The following ARHGAP29 variants were observed in gnomAD, a reference collection of about 807,000 sequenced individuals.
ARHGAP29 encodes rho GTPase-activating protein 29.
In ARHGAP29, 43 loss-of-function variants were observed where a neutral mutation model predicts 122.6. The ratio of observed to expected loss-of-function variants is 0.35; its 90% confidence interval spans 0.27 to 0.45. ARHGAP29 has a LOEUF of 0.45. Among genes scored for constraint, ARHGAP29 ranks in the 20% least tolerant of loss-of-function variants. The probability of loss-of-function intolerance (pLI) is 1.00; values close to 1 mark genes in which losing one functional copy is unlikely to be tolerated. For synonymous variants in ARHGAP29, 506 were observed against 497.1 expected (o/e 1.02, Z -0.24); for missense variants, 1,303 against 1,477.2 (o/e 0.88, Z 1.93).
chr1:94,255,619 T>G (rs1436403808), intron 1 of ARHGAP29, among the ~76,000 whole-genome samples: 1 of 152,208 alleles, frequency 6.6e-6, no homozygotes, highest in African/African-American at 2.4e-5. Flanking sequence ...AGTCACACAA[T>G]GAGTCAATAT....
intron 1 of ARHGAP29, among the ~76,000 whole-genome samples, chr1:94,247,233 T>C (rs1418749839): frequency 6.6e-6 from 1 of 152,034 alleles, no homozygotes; most frequent in Non-Finnish European, 1.5e-5. Flanking sequence ...AAGGAGCCCC[T>C]GAATTCCGCA....
At chr1:94,260,617 T>C (rs1287443123) in intron 1 of ARHGAP29, among the ~76,000 whole-genome samples, 3 of 152,132 alleles carry the variant, frequency 2.0e-5, no homozygotes, top group Non-Finnish European at 4.4e-5. Flanking sequence ...AATAGAATGC[T>C]TTGTAGGGGT....
chr1:94,268,906 A>AT, intron 1 of ARHGAP29, among the ~76,000 whole-genome samples: 1 of 152,208 alleles, frequency 6.6e-6, no homozygotes, highest in Middle Eastern at 3.4e-3. Context: ...AGTAGTGACT[A>AT]TTTTTGTATG....
intron 12 of ARHGAP29, among the ~76,000 whole-genome samples, chr1:94,200,546 T>C (rs995960869): frequency 6.6e-6 from 1 of 152,200 alleles, no homozygotes; most frequent in Admixed American, 6.5e-5. Flanking sequence ...ACTCCTGGTA[T>C]TGACTTGAGA....
At chr1:94,227,212 G>A (rs535238122) in intron 2 of ARHGAP29, among the ~76,000 whole-genome samples, 2 of 151,674 alleles carry the variant, frequency 1.3e-5, no homozygotes, top group Admixed American at 6.6e-5. Flanking sequence ...TACTACTTCC[G>A]ACTATAGTCC....
At chr1:94,220,126 T>C (rs1570561913) in intron 3 of ARHGAP29, 132 bp downstream of exon 3, 1 of 1,028,330 alleles carries the variant, frequency 9.7e-7, no homozygotes, top group East Asian at 2.5e-5. Flanking sequence ...TATCAAAGTA[T>C]ATATAACTCC....
the ARHGAP29 span, among the ~76,000 whole-genome samples, chr1:94,285,873 CA>C: frequency 0.32 from 22,704 of 72,024 alleles, 991 homozygotes; most frequent in East Asian, 0.46. Context: ...GACTCTGTCT[CA>C]AAAAAAAAAA....
intron 1 of ARHGAP29, 145 bp from the exon 2 acceptor site, chr1:94,231,788 C>A: frequency 4.8e-6 from 3 of 619,464 alleles, no homozygotes; most frequent in Non-Finnish European, 8.2e-6. Context: ...TTTTAAAAAT[C>A]AAAAATCAAT....
the ARHGAP29 span, among the ~76,000 whole-genome samples, chr1:94,297,418 T>C: frequency 2.6e-5 from 4 of 152,212 alleles, no homozygotes; most frequent in African/African-American, 9.6e-5. Context: ...CTAACACTTC[T>C]TGAGCACTTA....
upstream of ARHGAP29, among the ~76,000 whole-genome samples, chr1:94,275,781 G>A (rs752044868): frequency 6.6e-6 from 1 of 152,080 alleles, no homozygotes; most frequent in African/African-American, 2.4e-5. Context: ...AAGAAGAAAA[G>A]ATATGTTGGA....
chr1:94,290,291 T>C, the ARHGAP29 span, among the ~76,000 whole-genome samples: 2 of 152,230 alleles, frequency 1.3e-5, no homozygotes, highest in Non-Finnish European at 2.9e-5. Context: ...CATTTTTTAT[T>C]GCGTCTATTT....
At chr1:94,228,738 A>T (rs1652764055) in intron 2 of ARHGAP29, among the ~76,000 whole-genome samples, 1 of 151,780 alleles carries the variant, frequency 6.6e-6, no homozygotes, top group African/African-American at 2.4e-5. Flanking sequence ...ATTTCTAACT[A>T]CTTGGGGAAA....
the ARHGAP29 span, among the ~76,000 whole-genome samples, chr1:94,313,243 AG>A: frequency 6.6e-6 from 1 of 152,004 alleles, no homozygotes; most frequent in Non-Finnish European, 1.5e-5. Context: ...TCTTCCCCCT[AG>A]TTATCCATCC....
In ARHGAP29 at chr1:94,177,869, A is replaced by G. The variant is rs1649202874; in HGVS notation, c.2779T>C (p.Phe927Leu). ...RDIERSMKSL[F>L]FSSKEDIHTS... ...AAACTCACTTCCTTTGAAGAAAAAA[A>G]TAGTGACTTCATGGAACGTTCAATG... Residue 927 changes from phenylalanine to leucine, a missense_variant, in exon 21 of 23, where the codon TTT becomes CTT. Phe to Leu is a conservative substitution (Grantham distance 22). Around this residue, in one of 3 missense-constraint regions of ARHGAP29, gnomAD observed 620 missense variants for 651.2 expected, o/e 0.95. Transcript: ENST00000260526. The G allele has an allele frequency of 6.2e-7, 1 of 1,608,396 alleles. No homozygotes were observed. The highest frequency in any genetic ancestry group is 1.3e-5 in the African/African-American group (1 of 74,550).
At chr1:94,305,636 A>G in the ARHGAP29 span, among the ~76,000 whole-genome samples, 1 of 152,230 alleles carries the variant, frequency 6.6e-6, no homozygotes, top group Non-Finnish European at 1.5e-5. Context: ...TTGAATCAAG[A>G]ACTCGGCAGT....
Position 94,186,606 on chromosome 1 carries a change from A to C in ARHGAP29, c.1682-9T>G. The C allele has an allele frequency of 6.3e-7, 1 of 1,599,522 alleles. No individual in the cohort carries two copies. Among genetic ancestry groups the C allele is most frequent in the Non-Finnish European group, 8.6e-7 (1 of 1,167,248 alleles). On this transcript the variant is annotated splice_polypyrimidine_tract_variant and intron_variant, in intron 15 of 22. Transcript: ENST00000260526. ...TTTTCGATGAAAGTCTCCTAGAAGAAAATTGTGGATACAATTACCTGACCA... is the reference window on the plus strand; with the variant it reads ...TTTTCGATGAAAGTCTCCTAGAAGACAATTGTGGATACAATTACCTGACCA...
At chr1:94,274,773 A>G (rs1655120832) in intron 1 of ARHGAP29, among the ~76,000 whole-genome samples, 1 of 152,226 alleles carries the variant, frequency 6.6e-6, no homozygotes, top group Admixed American at 6.5e-5. Context: ...TCCACTCTCC[A>G]GGAGCAAAGG....
At chr1:94,241,604 CA>C (rs1483895474), upstream of ARHGAP29, among the ~76,000 whole-genome samples, 2 of 147,994 alleles carry the variant, frequency 1.4e-5, no homozygotes, top group African/African-American at 5.0e-5. Context: ...GCAACAAGAG[CA>C]AAACTCCGTC....
At position 94,171,865 on chromosome 1, in the gene ARHGAP29, T is replaced by G. The variant is rs1648757467; in HGVS notation, c.*2004A>C. The G allele has an allele frequency of 6.6e-6, 1 of 152,148 alleles. No homozygotes were observed. Among genetic ancestry groups the G allele is most frequent in the African/African-American group, 2.4e-5 (1 of 41,434 alleles). 9.4% of individuals were successfully genotyped at this position (152,148 alleles called of 1,614,324 possible). The stretch of plus-strand genomic sequence containing the variant: ...AGTTTAAAAGTACATTTTCTAAGTT[T>G]TAGTATAGGATGATGATAATGTTCT... On this transcript the variant is annotated 3_prime_UTR_variant, in exon 23 of 23. Coordinates refer to ENST00000260526, the MANE Select transcript of ARHGAP29 (RefSeq NM_004815.4).
Sources: gnomAD v4.1 joint callset for allele counts (sites outside exome capture counted in the v4.1 genomes callset) on GRCh38, gnomAD v4.1.1 for gene constraint, gnomAD v4.1.1 regional missense constraint, MANE v1.5 for transcripts, NCBI Gene and HGNC (gene_info 2026-07-23, HGNC 2026-07-21) for gene names.